PHKB: variants seen among roughly 807,000 people sequenced by gnomAD.
PHKB encodes phosphorylase b kinase regulatory subunit beta.
In PHKB, 122 loss-of-function variants were observed where a neutral mutation model predicts 152.1. The ratio of observed to expected loss-of-function variants is 0.80; its 90% CI spans 0.69 to 0.93. The LOEUF (loss-of-function observed/expected upper bound fraction) is 0.93. PHKB is among the 40% of genes least tolerant of loss of function. PHKB has a pLI of 0.00. For missense variants in PHKB, 1,304 were observed against 1,328.4 expected (o/e 0.98, Z 0.29); for synonymous variants, 436 against 464.9 (o/e 0.94, Z 0.80).
At chr16:47,681,837 C>T (rs533170618) in intron 26 of PHKB, among the ~76,000 whole-genome samples, 6 of 152,206 alleles carry the variant, frequency 3.9e-5, no homozygotes, top group South Asian at 2.1e-4. Context: ...TTATTTTGCT[C>T]GTTAGTTGAT....
chr16:47,611,878 CCT>C (rs1286289108), intron 14 of PHKB, among the ~76,000 whole-genome samples: 1 of 152,042 alleles, frequency 6.6e-6, no homozygotes, highest in East Asian at 1.9e-4. Flanking sequence ...ACATAAAATT[CCT>C]GTGTTAATAT....
intron 14 of PHKB, among the ~76,000 whole-genome samples, chr16:47,638,042 C>G (rs756896055): frequency 2.0e-5 from 3 of 152,028 alleles, no homozygotes; most frequent in Admixed American, 2.0e-4. Flanking sequence ...AAGCACCCCT[C>G]CCCATTCCCC....
intron 1 of PHKB, among the ~76,000 whole-genome samples, chr16:47,473,293 T>C (rs1969812321): frequency 7.1e-6 from 1 of 140,762 alleles, no homozygotes; most frequent in South Asian, 2.5e-4. Context: ...CAGGCTGGTC[T>C]GGAACTCCCA....
At chr16:47,633,851 A>G (rs1211460923) in intron 14 of PHKB, among the ~76,000 whole-genome samples, 1 of 152,214 alleles carries the variant, frequency 6.6e-6, no homozygotes, top group East Asian at 1.9e-4. Context: ...TTGCATAACT[A>G]TATCTGTTTA....
At chr16:47,548,548 A>G (rs565473787) in intron 7 of PHKB, among the ~76,000 whole-genome samples, 2 of 151,878 alleles carry the variant, frequency 1.3e-5, no homozygotes, top group South Asian at 4.2e-4. Flanking sequence ...TGGAGGTTGC[A>G]GTGAACCAAG....
intron 15 of PHKB, 61 bp from the exon 16 acceptor site, chr16:47,641,538 T>C (rs1427961598): frequency 8.0e-6 from 7 of 870,010 alleles, no homozygotes; most frequent in Non-Finnish European, 1.2e-5. Context: ...CCTCCTTCAC[T>C]GCTTCCTAAA....
intron 14 of PHKB, among the ~76,000 whole-genome samples, chr16:47,634,053 A>G (rs1972873618): frequency 6.6e-6 from 1 of 152,202 alleles, no homozygotes; most frequent in African/African-American, 2.4e-5. Context: ...GCTGGCATTG[A>G]TAGATGGCTA....
chr16:47,487,524 C>T (rs1192618436), intron 1 of PHKB, among the ~76,000 whole-genome samples: 2 of 151,508 alleles, frequency 1.3e-5, no homozygotes, highest in Non-Finnish European at 2.9e-5. Flanking sequence ...GTTTGGTGTA[C>T]AGATTATTTC....
intron 16 of PHKB, among the ~76,000 whole-genome samples, chr16:47,642,164 C>T (rs146682457): frequency 4.3e-4 from 66 of 151,844 alleles, no homozygotes; most frequent in South Asian, 1.0e-3. Context: ...TTAAAAAAAA[C>T]GTACTCATAC....
chr16:47,483,197 C>A (rs574257069), intron 1 of PHKB, among the ~76,000 whole-genome samples: 4,368 of 151,810 alleles, frequency 0.029, 130 homozygotes, highest in East Asian at 0.089. Context: ...CACCACCACA[C>A]CCAGCTAAGC....
At chr16:47,488,605 A>G (rs186310006) in intron 1 of PHKB, among the ~76,000 whole-genome samples, 49 of 152,260 alleles carry the variant, frequency 3.2e-4, no homozygotes, top group Non-Finnish European at 6.0e-4. Flanking sequence ...TTAATCCACT[A>G]TGAGCTGATT....
chr16:47,574,363 A>G (rs550424038), intron 7 of PHKB, among the ~76,000 whole-genome samples: 2 of 152,156 alleles, frequency 1.3e-5, no homozygotes, highest in Non-Finnish European at 2.9e-5. Context: ...ACATATTTTC[A>G]CCTGACTCAC....
chr16:47,572,766 T>G (rs1971683755), intron 7 of PHKB, among the ~76,000 whole-genome samples: 1 of 152,208 alleles, frequency 6.6e-6, no homozygotes, highest in Non-Finnish European at 1.5e-5. Flanking sequence ...AGTAATGTAC[T>G]GGGTACATGA....
intron 14 of PHKB, 118 bp downstream of exon 14, chr16:47,611,038 C>G (rs555127180): frequency 1.4e-6 from 1 of 719,542 alleles, no homozygotes; most frequent in East Asian, 2.7e-5. Flanking sequence ...AAGGTTTCTC[C>G]CTCTTCTGGT....
rs755668179 is a variant in PHKB at position 47,698,505 on chromosome 16, A to C, written c.3061A>C (p.Lys1021Gln). ...AAACCCCGAGCTAGAATTTCAAGAC[A>C]AAGTAGATCTAGACAGACTGGTCAA... ...ERNPELEFQD[K>Q]VDLDRLVKEA... Residue 1021 changes from lysine (K) to glutamine (Q), a missense_variant, in exon 30 of 31, where the codon AAA (lysine) becomes CAA (glutamine). Coordinates refer to ENST00000323584, the MANE Select transcript of PHKB (RefSeq NM_000293.3). The C allele has an allele frequency of 3.1e-6, 5 of 1,610,948 alleles. No homozygotes were observed. The highest frequency in any genetic ancestry group is 1.7e-4 in the Middle Eastern group (1 of 6,054).
At chr16:47,498,504 C>T (rs943618246) in intron 2 of PHKB, among the ~76,000 whole-genome samples, 10 of 152,056 alleles carry the variant, frequency 6.6e-5, no homozygotes, top group South Asian at 2.1e-4. Flanking sequence ...GGAGAAACCC[C>T]GTCTCTACTA....
At chr16:47,504,945 T>A (rs1970386991) in intron 4 of PHKB, among the ~76,000 whole-genome samples, 1 of 152,224 alleles carries the variant, frequency 6.6e-6, no homozygotes, top group South Asian at 2.1e-4. Flanking sequence ...GAACTGTGCC[T>A]GGTCAGGGCA....
intron 10 of PHKB, 110 bp downstream of exon 10, chr16:47,589,212 G>A: frequency 2.7e-6 from 2 of 729,728 alleles, no homozygotes; most frequent in Non-Finnish European, 4.5e-6. Flanking sequence ...TAGCTATGTG[G>A]CCCTGGGCCA....
chr16:47,488,802 A>C (rs1970095042), intron 1 of PHKB, among the ~76,000 whole-genome samples: 1 of 152,014 alleles, frequency 6.6e-6, no homozygotes, highest in Admixed American at 6.6e-5. Context: ...CCATTGGTCT[A>C]TGTGTCTGTT....
Sources: allele counts gnomAD v4.1 joint callset (sites outside exome capture counted in the v4.1 genomes callset), GRCh38; gene constraint gnomAD v4.1.1; transcripts MANE v1.5; gene names NCBI Gene and HGNC (gene_info 2026-07-23, HGNC 2026-07-21).